The following PDE6A variants were observed in gnomAD, a reference collection of about 807,000 sequenced individuals.
The protein encoded by PDE6A is rod cGMP-specific 3',5'-cyclic phosphodiesterase subunit alpha.
In PDE6A, 84 loss-of-function variants were observed where a neutral mutation model predicts 106.3. That is an observed-to-expected ratio of 0.79 (90% confidence interval 0.66 to 0.95). The LOEUF (loss-of-function observed/expected upper bound fraction) is 0.95, where lower values mean the gene tolerates loss of function less well. Among genes scored for constraint, PDE6A ranks in the 40% least tolerant of loss-of-function variants. The probability of loss-of-function intolerance (pLI) is 0.00; values close to 1 mark genes in which losing one functional copy is unlikely to be tolerated. For synonymous variants in PDE6A, 394 were observed against 386.6 expected, an observed-to-expected ratio of 1.02 and a Z score of -0.23; for missense variants, 1,052 against 1,084.9, an observed-to-expected ratio of 0.97 and a Z score of 0.43.
At chr5:149,882,603 G>C (rs1760969142) in intron 17 of PDE6A, among the ~76,000 whole-genome samples, 1 of 152,020 alleles carries the variant, frequency 6.6e-6, no homozygotes, top group Non-Finnish European at 1.5e-5. Context: ...ACTTAAATTT[G>C]AGTCCCATTA....
chr5:149,883,190 T>C (rs910242718), intron 17 of PDE6A, among the ~76,000 whole-genome samples: 4 of 151,862 alleles, frequency 2.6e-5, no homozygotes, highest in East Asian at 1.9e-4. Flanking sequence ...AAATAACATA[T>C]TTTTTTATTC....
chr5:149,925,193 G>A (rs1265754713), intron 4 of PDE6A, among the ~76,000 whole-genome samples: 1 of 152,012 alleles, frequency 6.6e-6, no homozygotes, highest in Non-Finnish European at 1.5e-5. Context: ...ATCTAGAGGG[G>A]AAACAGATCA....
chr5:149,907,212 A>C, intron 7 of PDE6A, 100 bp downstream of exon 7: 1 of 931,704 alleles, frequency 1.1e-6, no homozygotes, highest in Non-Finnish European at 1.8e-6. Context: ...AGAGATCCAC[A>C]CTTGCCATCA....
intron 17 of PDE6A, among the ~76,000 whole-genome samples, chr5:149,873,617 C>A (rs951537349): frequency 1.8e-4 from 28 of 152,112 alleles, no homozygotes; most frequent in African/African-American, 5.8e-4. Context: ...CAGGTGTGAG[C>A]CACCACGCCT....
At chr5:149,866,335 A>G (rs1006377247) in intron 19 of PDE6A, 82 bp from the exon 20 acceptor site, 13 of 968,288 alleles carry the variant, frequency 1.3e-5, no homozygotes, top group Middle Eastern at 4.2e-4. Flanking sequence ...ACTAAAATCA[A>G]ACTGTAAACT....
intron 12 of PDE6A, 71 bp from the exon 13 acceptor site, chr5:149,895,361 A>G (rs1448212242): frequency 3.8e-6 from 4 of 1,046,104 alleles, no homozygotes; most frequent in Middle Eastern, 2.0e-4. Flanking sequence ...AATAACAAAA[A>G]TATGAAGAAG....
At chr5:149,941,183 A>G (rs895874132) in intron 1 of PDE6A, among the ~76,000 whole-genome samples, 6 of 152,238 alleles carry the variant, frequency 3.9e-5, no homozygotes, top group African/African-American at 1.4e-4. Flanking sequence ...TACCAAGCAC[A>G]TGCTTTGTGC....
In PDE6A at chr5:149,931,042, T is replaced by C. The variant is rs1051171225; in HGVS notation, c.844A>G (p.Met282Val). The C allele has an allele frequency of 1.2e-6, 2 of 1,614,038 alleles. No homozygotes were observed. The highest frequency in any genetic ancestry group is 1.3e-5 in the African/African-American group (1 of 74,920). Residue 282 changes from methionine to valine, a missense_variant, in exon 4 of 22, where the codon ATG becomes GTG. Met to Val is a conservative substitution (Grantham distance 21). Coordinates refer to ENST00000255266, the MANE Select transcript of PDE6A (RefSeq NM_000440.3). ...AGTTTTCTCACCTTCTGCTTGGTCA[T>C]GTCTAAGAGACCCACAGAGTATCTG... ...CDRYSVGLLDMTKQKEFFDVW... is the reference protein window; with the variant it reads ...CDRYSVGLLDVTKQKEFFDVW...
intron 4 of PDE6A, among the ~76,000 whole-genome samples, chr5:149,924,809 G>C (rs1242948832): frequency 6.6e-6 from 1 of 152,178 alleles, no homozygotes; most frequent in African/African-American, 2.4e-5. Context: ...CTTTCCTTTT[G>C]ACCCACTTGT....
chr5:149,911,699 T>G (rs1193827263), intron 6 of PDE6A, among the ~76,000 whole-genome samples: 1 of 152,150 alleles, frequency 6.6e-6, no homozygotes, highest in Non-Finnish European at 1.5e-5. Context: ...CTAGTTGATT[T>G]ATATTTTTTT....
In PDE6A at chr5:149,867,719, A is replaced by C; in HGVS notation, c.2274+6T>G. On this transcript the variant is annotated splice_donor_region_variant and intron_variant, in intron 19 of 21. Transcript: ENST00000255266. Reference sequence around the variant, plus strand: ...AACATCAGGCTGACATCCCCTGTCTACTCACAATGGGATTCTGTTGCAGCA... The same window carrying C: ...AACATCAGGCTGACATCCCCTGTCTCCTCACAATGGGATTCTGTTGCAGCA... 1 of 1,613,164 alleles carries C rather than the reference A, an allele frequency of 6.2e-7. No individual in the cohort carries two copies. The highest frequency in any genetic ancestry group is 8.5e-7 in the Non-Finnish European group (1 of 1,179,326).
At chr5:149,932,522 C>G (rs1171463017) in intron 3 of PDE6A, 2 of 1,364,852 alleles carry the variant, frequency 1.5e-6, no homozygotes, top group South Asian at 2.3e-5. Context: ...GCATTATTAT[C>G]ACGCTAGCAT....
At chr5:149,884,435 T>A (rs1292929820) in intron 16 of PDE6A, 44 bp downstream of exon 16, 1 of 1,207,410 alleles carries the variant, frequency 8.3e-7, no homozygotes, top group Non-Finnish European at 1.2e-6. Flanking sequence ...TGCATACATA[T>A]AATCATTGTT....
intron 6 of PDE6A, 68 bp from the exon 7 acceptor site, chr5:149,907,446 G>T: frequency 7.7e-7 from 1 of 1,306,808 alleles, no homozygotes; most frequent in South Asian, 1.2e-5. Flanking sequence ...CTAAAATCTG[G>T]GTGTTTGCGC....
chr5:149,918,304 C>T (rs2113634248), intron 5 of PDE6A, among the ~76,000 whole-genome samples: 1 of 152,298 alleles, frequency 6.6e-6, no homozygotes, highest in African/African-American at 2.4e-5. Context: ...AGCAAGATTG[C>T]TGTGCCTGTG....
chr5:149,940,515 T>TTTTTTTTTTTTTTTGG (rs1754300127), intron 1 of PDE6A, among the ~76,000 whole-genome samples: 1 of 151,694 alleles, frequency 6.6e-6, no homozygotes, highest in Non-Finnish European at 1.5e-5. Flanking sequence ...CTTTTTTTTT[T>TTTTTTTTTTTTTTTGG]GGAGACAGTT....
At chr5:149,879,881 G>A (rs1307063005) in intron 17 of PDE6A, among the ~76,000 whole-genome samples, 3 of 151,924 alleles carry the variant, frequency 2.0e-5, no homozygotes, top group Non-Finnish European at 2.9e-5. Context: ...TACATCTGGA[G>A]TTTATTTTGG....
rs138312324 is a variant in PDE6A, at chr5:149,868,282, G to A, written c.2136-124C>T. The A allele has an allele frequency of 4.6e-4, 420 of 915,494 alleles. 2 individuals are homozygous for A. The African/African-American group carries it at 5.3e-3, about 12-fold the overall frequency. 56.7% of individuals were successfully genotyped at this position (915,494 alleles called of 1,614,324 possible). A position where few individuals can be genotyped will look rare whatever the true frequency, so the allele number is the denominator to read the frequency against. ...GTGACTTTGTCTCATTGTGAGGAAA[G>A]GGCTCACCCCCATTGCATCCAGGGG... On this transcript the variant is annotated intron_variant, in intron 17 of 21. Transcript: ENST00000255266.
intron 17 of PDE6A, among the ~76,000 whole-genome samples, chr5:149,882,181 T>C (rs1409628026): frequency 6.6e-6 from 1 of 152,028 alleles, no homozygotes; most frequent in East Asian, 1.9e-4. Context: ...ATTGCACTGC[T>C]CCCAGAATCA....
Sources: gnomAD v4.1 joint callset for allele counts (sites outside exome capture counted in the v4.1 genomes callset) on GRCh38, gnomAD v4.1.1 for gene constraint, MANE v1.5 for transcripts, NCBI Gene and HGNC (gene_info 2026-07-23, HGNC 2026-07-21) for gene names.